CEP112: variants seen among roughly 807,000 people sequenced by gnomAD.
CEP112 encodes the protein centrosomal protein 112.
Under a neutral mutation model 153.0 loss-of-function variants are expected in CEP112, and 127 were observed. The observed-to-expected ratio is 0.83, with a 90% CI of 0.72 to 0.96. CEP112 has a LOEUF of 0.96. Ranked by LOEUF, CEP112 falls within the 40% of genes least tolerant of loss-of-function variation. The probability of loss-of-function intolerance (pLI) is 0.00; values close to 1 mark genes in which losing one functional copy is unlikely to be tolerated. For missense variants in CEP112, 1,089 were observed against 1,101.2 expected (o/e 0.99, Z 0.16); for synonymous variants, 358 against 374.4 (o/e 0.96, Z 0.51).
At chr17:66,052,045 A>G (rs960796044) in intron 12 of CEP112, among the ~76,000 whole-genome samples, 2 of 152,246 alleles carry the variant, frequency 1.3e-5, no homozygotes, top group African/African-American at 4.8e-5. Context: ...ATAATGAAGT[A>G]TAGGGTATTT....
intron 12 of CEP112, among the ~76,000 whole-genome samples, chr17:66,053,486 CA>C (rs1300376999): frequency 1.5e-5 from 2 of 132,766 alleles, no homozygotes; most frequent in African/African-American, 5.7e-5. Context: ...GACTCCGTCT[CA>C]AAAAATAAAA....
rs1311596889 is a variant in CEP112 at position 66,183,198 on chromosome 17, C to T, written c.102G>A (p.Arg34=). 3.1e-6 allele frequency: 5 copies of T among 1,587,372 alleles called. No homozygotes were observed. The African/African-American group carries it at 5.4e-5, about 17-fold the overall frequency. The change falls in exon 2 of 27, where the codon AGG becomes AGA. Residue 34 remains arginine, a synonymous_variant. Transcript: ENST00000535342. ...MKPFVLKLPH[R]TERQRCALWI... ...AATCTTCAAACATAATCTTACCTGT[C>T]CTATGAGGTAATTTTAGAACAAAGG...
chr17:65,880,196 T>C (rs1190890686), intron 20 of CEP112, among the ~76,000 whole-genome samples: 3 of 152,234 alleles, frequency 2.0e-5, no homozygotes, highest in Non-Finnish European at 2.9e-5. Context: ...TTTTGCCTAA[T>C]TGTTAATAGA....
intron 11 of CEP112, among the ~76,000 whole-genome samples, chr17:66,060,831 C>A (rs143777425): frequency 2.7e-5 from 4 of 150,564 alleles, no homozygotes; most frequent in East Asian, 3.9e-4. Flanking sequence ...GGAAAAGCTC[C>A]ATGACATAAA....
chr17:65,738,483 T>A (rs1005866787), intron 23 of CEP112, among the ~76,000 whole-genome samples: 1 of 152,192 alleles, frequency 6.6e-6, no homozygotes, highest in Admixed American at 6.5e-5. Flanking sequence ...ACAAAAAAAA[T>A]CAATAGTATT....
At position 65,747,748 on chromosome 17, in the gene CEP112, G is replaced by C. The variant is rs532685341; in HGVS notation, c.2457+2914C>G. Among the ~76,000 whole-genome samples the C allele has an allele frequency of 2.0e-5, 3 of 152,268 alleles. No individual in the cohort carries two copies. In the South Asian group the frequency reaches 6.2e-4, roughly 32 times the overall value. The stretch of plus-strand genomic sequence containing the variant: ...AGTGGTGGCGAGGGTGAGTGCTGCA[G>C]ATCTCAGAACGGGGCACAGGTCTCA... On this transcript the variant is annotated intron_variant, in intron 22 of 26. Coordinates refer to ENST00000535342, the MANE Select transcript of CEP112 (RefSeq NM_001199165.4).
intron 17 of CEP112, among the ~76,000 whole-genome samples, chr17:65,996,992 T>C (rs2063815697): frequency 6.6e-6 from 1 of 152,152 alleles, no homozygotes; most frequent in Non-Finnish European, 1.5e-5. Flanking sequence ...GTGGCTTGCC[T>C]GAGCTCAGGA....
chr17:65,680,798 A>G (rs1189632886), intron 24 of CEP112, among the ~76,000 whole-genome samples: 1 of 152,196 alleles, frequency 6.6e-6, no homozygotes. Context: ...ACTTACAATC[A>G]TGGCGGAAGG....
intron 1 of CEP112, among the ~76,000 whole-genome samples, chr17:66,185,613 G>A (rs533569770): frequency 6.6e-6 from 1 of 152,192 alleles, no homozygotes; most frequent in East Asian, 1.9e-4. Context: ...ATACAAAGGG[G>A]GTGAATCCCA....
At chr17:65,877,608 T>C (rs1407880411) in intron 20 of CEP112, among the ~76,000 whole-genome samples, 4 of 152,126 alleles carry the variant, frequency 2.6e-5, no homozygotes, top group Admixed American at 6.5e-5. Flanking sequence ...ACTAAGACAA[T>C]ACCATGCAAA....
chr17:65,866,440 G>A (rs2058488840), intron 20 of CEP112, among the ~76,000 whole-genome samples: 1 of 152,254 alleles, frequency 6.6e-6, no homozygotes, highest in South Asian at 2.1e-4. Flanking sequence ...GGCAGCAGGA[G>A]GCAGACAGGC....
chr17:65,841,656 C>T (rs748485175), intron 21 of CEP112, among the ~76,000 whole-genome samples: 40 of 151,930 alleles, frequency 2.6e-4, no homozygotes, highest in Non-Finnish European at 4.3e-4. Context: ...TTTGAAATCT[C>T]CTTAACAGAA....
At chr17:65,943,324 G>T (rs1045882626) in intron 18 of CEP112, among the ~76,000 whole-genome samples, 1 of 152,080 alleles carries the variant, frequency 6.6e-6, no homozygotes, top group Non-Finnish European at 1.5e-5. Flanking sequence ...GGTGAAGAAA[G>T]GTATGAAATA....
At chr17:65,929,195 G>A (rs2061037175) in intron 18 of CEP112, among the ~76,000 whole-genome samples, 1 of 152,238 alleles carries the variant, frequency 6.6e-6, no homozygotes, top group East Asian at 1.9e-4. Context: ...TGAATTGTTG[G>A]TATGTGAATT....
chr17:65,831,020 G>C (rs1199181941), intron 21 of CEP112, among the ~76,000 whole-genome samples: 1 of 152,198 alleles, frequency 6.6e-6, no homozygotes, highest in African/African-American at 2.4e-5. Context: ...CCCAGAATGG[G>C]AAGTAACAAC....
intron 19 of CEP112, among the ~76,000 whole-genome samples, chr17:65,920,376 T>TAC (rs2060667576): frequency 1.2e-5 from 1 of 85,742 alleles, no homozygotes; most frequent in Non-Finnish European, 2.3e-5. Context: ...TATATATATA[T>TAC]ATATATATAT....
intron 17 of CEP112, among the ~76,000 whole-genome samples, chr17:65,973,366 A>T: frequency 6.9e-6 from 1 of 145,506 alleles, no homozygotes; most frequent in Middle Eastern, 3.5e-3. Flanking sequence ...ATCTAATAAA[A>T]GACTGGTAAG....
intron 5 of CEP112, 147 bp from the exon 6 acceptor site, chr17:66,129,970 G>C (rs966370156): frequency 2.1e-5 from 11 of 516,454 alleles, no homozygotes; most frequent in Non-Finnish European, 3.5e-5. Context: ...AAGGAAGAAA[G>C]GAAGGGATGA....
intron 6 of CEP112, among the ~76,000 whole-genome samples, chr17:66,104,445 C>T (rs2068693838): frequency 6.6e-6 from 1 of 152,234 alleles, no homozygotes; most frequent in South Asian, 2.1e-4. Context: ...GACTAAAGAG[C>T]CCTTGGTCTC....
Sources: gnomAD v4.1 joint callset for allele counts (sites outside exome capture counted in the v4.1 genomes callset) on GRCh38, gnomAD v4.1.1 for gene constraint, MANE v1.5 for transcripts, NCBI Gene and HGNC (gene_info 2026-07-23, HGNC 2026-07-21) for gene names.